CCDC28B: variants seen among roughly 807,000 people sequenced by gnomAD.
CCDC28B encodes coiled-coil domain-containing protein 28B.
A neutral mutation model predicts 18.7 loss-of-function variants in CCDC28B; 17 were observed. The ratio of observed to expected loss-of-function variants is 0.91; its 90% confidence interval spans 0.62 to 1.36. CCDC28B has a LOEUF of 1.36. Among genes scored for constraint, CCDC28B ranks in the 40% most tolerant of loss-of-function variants. CCDC28B has a pLI of 0.00. For missense variants in CCDC28B, 213 were observed against 251.7 expected (o/e 0.85, Z 1.04); for synonymous variants, 116 against 105.1 (o/e 1.10, Z -0.64).
At chr1:32,198,536 A>C (rs556424169), upstream of CCDC28B, among the ~76,000 whole-genome samples, 23 of 152,184 alleles carry the variant, frequency 1.5e-4, no homozygotes, top group Admixed American at 5.3e-4. Context: ...CACACACACA[A>C]AAAAGTTTTC....
Position 32,202,007 on chromosome 1 carries a change from A to C in CCDC28B, c.72A>C (p.Leu24=). 1 of 1,613,768 alleles carries C rather than the reference A, an allele frequency of 6.2e-7. No individual in the cohort carries two copies. The highest frequency in any genetic ancestry group is 8.5e-7 in the Non-Finnish European group (1 of 1,179,924). ...LAQPAQAPGT[L]RRVPVPTSHS... The stretch of plus-strand genomic sequence containing the variant: ...AGCCAGCCCAGGCCCCAGGCACACT[A>C]CGGAGGGTCCCTGTGCCTACCAGCC... Residue 24 remains leucine, a synonymous_variant, in exon 2 of 6, where the codon CTA becomes CTC. Transcript: ENST00000373602.
At chr1:32,198,396 C>G (rs1643070830), upstream of CCDC28B, 1 of 152,254 alleles carries the variant, frequency 6.6e-6, no homozygotes, top group Admixed American at 6.5e-5. Context: ...ATGGTGGTTC[C>G]CTGGTATCTT....
chr1:32,204,743 T>A, intron 5 of CCDC28B, 123 bp downstream of exon 5: 1 of 1,613,856 alleles, frequency 6.2e-7, no homozygotes, highest in Non-Finnish European at 8.5e-7. Flanking sequence ...CCTGTCAGAT[T>A]TAGCCACAGA....
Position 32,204,581 on chromosome 1 carries a change from T to G in CCDC28B, c.526-17T>G, listed in dbSNP as rs778421423. ...TCCCCTCCTAACAGAAGCCTCCCTT[T>G]TTCTCTTTGTTGGCAGCTGGAAGAC... On this transcript the variant is annotated splice_polypyrimidine_tract_variant and intron_variant, in intron 4 of 5. Coordinates refer to ENST00000373602, the MANE Select transcript of CCDC28B (RefSeq NM_024296.5). 1.3e-6 allele frequency: 2 copies of G among 1,556,324 alleles called. No homozygotes were observed. The highest frequency in any genetic ancestry group is 1.7e-6 in the Non-Finnish European group (2 of 1,153,074).
rs773132833 is a variant in CCDC28B, at chr1:32,201,981, C to T, written c.46C>T (p.Gln16Ter). ...KKRSPKPCLA[Q>*]PAQAPGTLRR... ...ACGGAGTCCCAAGCCCTGCCTGGCC[C>T]AGCCAGCCCAGGCCCCAGGCACACT... Residue 16 changes from glutamine to a stop codon, truncating the protein, a stop_gained, in exon 2 of 6, where the codon CAG becomes TAG. Coordinates refer to ENST00000373602, the MANE Select transcript of CCDC28B (RefSeq NM_024296.5). LOFTEE classifies it high-confidence loss of function. The T allele has an allele frequency of 2.5e-6, 4 of 1,613,292 alleles. No individual in the cohort carries two copies. Among genetic ancestry groups the T allele is most frequent in the Non-Finnish European group, 3.4e-6 (4 of 1,179,642 alleles).
Position 32,203,986 on chromosome 1 carries a change from T to G in CCDC28B, c.272T>G (p.Met91Arg). The part of the protein sequence containing the change: ...FLTEVTDVYE[M>R]EGGLLNLLND... ...ACCGAGGTGACTGATGTCTATGAGA[T>G]GGAGGGGGGACTCCTGAACCTGCTC... Residue 91 changes from methionine (M) to arginine (R), a missense_variant, in exon 3 of 6, where the codon ATG (methionine) becomes AGG (arginine). Coordinates refer to ENST00000373602, the MANE Select transcript of CCDC28B (RefSeq NM_024296.5). The G allele has an allele frequency of 6.3e-7, 1 of 1,577,512 alleles. No individual in the cohort carries two copies. Among genetic ancestry groups the G allele is most frequent in the South Asian group, 1.2e-5 (1 of 85,150 alleles).
At chr1:32,200,896 A>C (rs184793648) in intron 1 of CCDC28B, among the ~76,000 whole-genome samples, 187 bp downstream of exon 1, 6 of 152,122 alleles carry the variant, frequency 3.9e-5, no homozygotes, top group Non-Finnish European at 8.8e-5. Context: ...CAGTTCTTCT[A>C]TCAGGTCCCT....
upstream of CCDC28B, chr1:32,197,467 G>A (rs1224658566): frequency 6.6e-6 from 1 of 152,314 alleles, no homozygotes; most frequent in Non-Finnish European, 1.5e-5. The surrounding 1 kb of genome is among the most constrained non-coding windows in gnomAD (Gnocchi z 4.6). Flanking sequence ...CCAGTCTGCA[G>A]ATGAGGTTCC....
At chr1:32,197,128 C>T (rs1444678595), upstream of CCDC28B, 2 of 152,394 alleles carry the variant, frequency 1.3e-5, no homozygotes, top group Admixed American at 6.5e-5. The surrounding 1 kb of genome is among the most constrained non-coding windows in gnomAD (Gnocchi z 4.6). Flanking sequence ...TTTCCCTACC[C>T]CAGCCCCTGT....
At chr1:32,196,963 C>T (rs1643039471), upstream of CCDC28B, 1 of 152,278 alleles carries the variant, frequency 6.6e-6, no homozygotes, top group African/African-American at 2.4e-5. Flanking sequence ...TCCTTCACAT[C>T]TAGGTGCCCT....
chr1:32,204,988 AC>A (rs1643275321), intron 5 of CCDC28B: 6 of 1,219,242 alleles, frequency 4.9e-6, no homozygotes, highest in Non-Finnish European at 6.8e-6. Flanking sequence ...GCGCGCACAC[AC>A]CCCAGTGTGT....
In CCDC28B at chr1:32,203,763, C is replaced by T; in HGVS notation, c.165-116C>T. 9.4e-6 allele frequency: 7 copies of T among 745,802 alleles called. No individual in the cohort carries two copies. In the South Asian group the frequency reaches 2.0e-4, roughly 22 times the overall value. The allele number at this position is 745,802 out of a possible 1,614,324, so 46.2% of individuals were successfully genotyped here. ...CCATTTATGCTAGTAAGTAGATGGG[C>T]AGATGAGTTAGTGCAGATAGACAGA... On this transcript the variant is annotated intron_variant, in intron 2 of 5. Transcript: ENST00000373602.
intron 2 of CCDC28B, 39 bp downstream of exon 2, chr1:32,202,138 C>T: frequency 1.9e-6 from 3 of 1,611,448 alleles, no homozygotes; most frequent in Non-Finnish European, 2.5e-6. Flanking sequence ...GGGACCCCAA[C>T]TCTGGGTTGC....
chr1:32,200,472 A>G (rs1371506682), upstream of CCDC28B: 1 of 152,144 alleles, frequency 6.6e-6, no homozygotes, highest in Non-Finnish European at 1.5e-5. Context: ...ACATCACACA[A>G]CCAACAGGGT....
chr1:32,204,510 A>T (rs983962246), intron 4 of CCDC28B, 88 bp from the exon 5 acceptor site: 128 of 1,517,120 alleles, frequency 8.4e-5, no homozygotes, highest in Middle Eastern at 2.1e-4. Context: ...GGGCCCCTCA[A>T]CCTCCCCAGA....
At chr1:32,200,869 A>T (rs1458034288) in intron 1 of CCDC28B, among the ~76,000 whole-genome samples, 160 bp downstream of exon 1, 2 of 152,084 alleles carry the variant, frequency 1.3e-5, no homozygotes, top group African/African-American at 2.4e-5. Context: ...GCTCCTGGGG[A>T]GCACAGGCTC....
At chr1:32,201,643 A>G (rs1643149359) in intron 1 of CCDC28B, 1 of 248,002 alleles carries the variant, frequency 4.0e-6, no homozygotes, top group East Asian at 7.9e-5. Context: ...AAGCCCCAGT[A>G]GCGCCAAGAT....
intron 2 of CCDC28B, among the ~76,000 whole-genome samples, chr1:32,203,406 G>C (rs186406471): frequency 1.3e-5 from 2 of 151,796 alleles, no homozygotes; most frequent in Non-Finnish European, 2.9e-5. Flanking sequence ...GCAGTGAGCC[G>C]AGATCACACC....
chr1:32,200,582 T>G (rs1643125876), upstream of CCDC28B: 2 of 152,128 alleles, frequency 1.3e-5, no homozygotes, highest in Admixed American at 1.3e-4. Flanking sequence ...AAGGAGAAGG[T>G]CACTTTCTCT....
Sources: allele counts gnomAD v4.1 joint callset (sites outside exome capture counted in the v4.1 genomes callset), GRCh38; gene constraint gnomAD v4.1.1; non-coding constraint Gnocchi (gnomAD v3.1); transcripts MANE v1.5; gene names NCBI Gene and HGNC (gene_info 2026-07-23, HGNC 2026-07-21).